The following ZNF251 variants were observed in gnomAD, a reference collection of about 807,000 sequenced individuals.
The protein encoded by ZNF251 is zinc finger protein 251.
A neutral mutation model predicts 13.5 loss-of-function variants in ZNF251; 14 were observed. That is an observed-to-expected ratio of 1.04 (90% CI 0.69 to 1.63). The LOEUF is 1.63. Among genes scored for constraint, ZNF251 ranks in the 40% most tolerant of loss-of-function variants. ZNF251 has a pLI of 0.00. For missense variants in ZNF251, 764 were observed against 834.9 expected, an observed-to-expected ratio of 0.92 and a Z score of 1.05; for synonymous variants, 287 against 295.2, an observed-to-expected ratio of 0.97 and a Z score of 0.28.
intron 4 of ZNF251, among the ~76,000 whole-genome samples, chr8:144,746,206 G>A (rs1319688068): frequency 6.6e-6 from 1 of 152,166 alleles, no homozygotes; most frequent in Non-Finnish European, 1.5e-5. Flanking sequence ...ATCGAGGTTG[G>A]ATTTTGTCAA....
At chr8:144,732,806 C>T (rs1385626064) in intron 4 of ZNF251, among the ~76,000 whole-genome samples, 12 of 108,524 alleles carry the variant, frequency 1.1e-4, no homozygotes, top group African/African-American at 1.9e-4. Flanking sequence ...AGCGAGACTC[C>T]GTCTCAAAAA....
In ZNF251 at chr8:144,754,711, C is replaced by G. The variant is rs894185836; in HGVS notation, c.18G>C (p.Gln6His). MAATF[Q>H]LPGHQEMPLT... ...GTTAACTCACCTGGTGCCCTGGAAG[C>G]TGGAATGTGGCTGCCATTCTGTGTG... Residue 6 changes from glutamine (Q) to histidine (H), a missense_variant, in exon 2 of 5, where the codon CAG (glutamine) becomes CAC (histidine). Transcript: ENST00000292562. 6.2e-7 allele frequency: 1 copy of G among 1,611,738 alleles called. No individual in the cohort carries two copies. The highest frequency in any genetic ancestry group is 8.5e-7 in the Non-Finnish European group (1 of 1,178,998).
At chr8:144,723,512 G>T in intron 4 of ZNF251, 130 bp from the exon 5 acceptor site, 1 of 587,822 alleles carries the variant, frequency 1.7e-6, no homozygotes, top group Non-Finnish European at 2.5e-6. Context: ...GATGTGAAAG[G>T]CAGAATTCAG....
At chr8:144,737,772 C>T (rs1049672427) in intron 4 of ZNF251, among the ~76,000 whole-genome samples, 2 of 137,130 alleles carry the variant, frequency 1.5e-5, no homozygotes, top group Non-Finnish European at 3.0e-5. Context: ...GCAGAGCTTG[C>T]AGTGAGCCGA....
intron 4 of ZNF251, among the ~76,000 whole-genome samples, chr8:144,751,975 A>C (rs1334803537): frequency 1.3e-5 from 2 of 152,280 alleles, no homozygotes; most frequent in South Asian, 2.1e-4. Flanking sequence ...GAATTCTCTT[A>C]TCTCTCATAA....
intron 2 of ZNF251, 109 bp downstream of exon 2, chr8:144,754,587 C>T (rs1172108432): frequency 4.7e-6 from 7 of 1,476,676 alleles, no homozygotes; most frequent in Non-Finnish European, 6.3e-6. Context: ...TTGCTATGAG[C>T]CCCTGGCTGG....
At chr8:144,750,378 C>T (rs772075083) in intron 4 of ZNF251, among the ~76,000 whole-genome samples, 207 of 152,214 alleles carry the variant, frequency 1.4e-3, no homozygotes, top group Non-Finnish European at 2.3e-3. Context: ...TATGAACTTC[C>T]CAAGTGCTTT....
intron 4 of ZNF251, among the ~76,000 whole-genome samples, chr8:144,752,503 T>C (rs1004334370): frequency 2.0e-5 from 3 of 152,144 alleles, no homozygotes; most frequent in Admixed American, 6.5e-5. Flanking sequence ...TTAATGAAAA[T>C]ACAACATATT....
At chr8:144,745,640 A>G (rs577643225) in intron 4 of ZNF251, among the ~76,000 whole-genome samples, 1 of 152,164 alleles carries the variant, frequency 6.6e-6, no homozygotes, top group South Asian at 2.1e-4. Context: ...TCAGACTCCT[A>G]GGCTCAAGCA....
rs185172495 is a variant in ZNF251, at chr8:144,722,114, G to A, written c.1546C>T (p.Arg516Cys). ...QHQKVHSGETRKCRKHGPAFV... is the reference protein window; with the variant it reads ...QHQKVHSGETCKCRKHGPAFV... ...GCTGGACCATGTTTTCTGCACTTAC[G>A]AGTCTCTCCGCTGTGAACTTTCTGA... The change falls in exon 5 of 5, where the codon CGT becomes TGT. Residue 516 changes from arginine to cysteine, a missense_variant. Coordinates refer to ENST00000292562, the MANE Select transcript of ZNF251 (RefSeq NM_138367.2). This position sits in a 1 kb window ranked among gnomAD's most constrained non-coding sequence, Gnocchi z 4.8. 34 of 1,613,952 alleles carry A rather than the reference G, an allele frequency of 2.1e-5. No homozygotes were observed. The highest frequency in any genetic ancestry group is 6.7e-5 in the East Asian group (3 of 44,880).
intron 4 of ZNF251, among the ~76,000 whole-genome samples, chr8:144,733,283 G>A (rs1352425477): frequency 6.6e-6 from 1 of 152,236 alleles, no homozygotes; most frequent in African/African-American, 2.4e-5. Context: ...GCTCACGCCT[G>A]TAATCCTAGC....
At chr8:144,753,466 T>C in intron 4 of ZNF251, 1 of 492,008 alleles carries the variant, frequency 2.0e-6, no homozygotes, top group East Asian at 3.3e-5. Flanking sequence ...TGATCAGAAG[T>C]AGTATATATA....
At chr8:144,749,638 CTATTA>C (rs1824595591) in intron 4 of ZNF251, among the ~76,000 whole-genome samples, 1 of 152,122 alleles carries the variant, frequency 6.6e-6, no homozygotes. Flanking sequence ...CCTGAGCATT[CTATTA>C]TATGTAATTC....
rs1209552493 is a variant in ZNF251, at chr8:144,722,535, C to T, written c.1125G>A (p.Lys375=). 1 of 1,613,740 alleles carries T rather than the reference C, an allele frequency of 6.2e-7. No individual in the cohort carries two copies. Among genetic ancestry groups the T allele is most frequent in the African/African-American group, 1.3e-5 (1 of 74,812 alleles). The part of the protein sequence containing the change: ...IQHERIHTGE[K]PHKCNQCGKA... ...TCCCACACTGATTGCATTTATGGGG[C>T]TTCTCTCCAGTGTGAATTCTCTCAT... The change falls in exon 5 of 5, where the codon AAG becomes AAA. Residue 375 remains lysine, a synonymous_variant. Transcript: ENST00000292562. This position sits in a 1 kb window ranked among gnomAD's most constrained non-coding sequence, Gnocchi z 4.8.
intron 4 of ZNF251, among the ~76,000 whole-genome samples, chr8:144,726,990 A>G (rs765072774): frequency 2.0e-5 from 3 of 152,152 alleles, no homozygotes; most frequent in Non-Finnish European, 4.4e-5. Context: ...GGAGTTTGAC[A>G]TTAGTCAGTT....
chr8:144,729,725 G>A (rs1051847242), intron 4 of ZNF251, among the ~76,000 whole-genome samples: 1 of 152,098 alleles, frequency 6.6e-6, no homozygotes, highest in Admixed American at 6.5e-5. Context: ...GATGGGCATG[G>A]TGGCTCGCGC....
rs114952423 is a variant in ZNF251, at chr8:144,738,474, A to C, written c.278-15092T>G. ...GCCTCCTTGCTACATGGAAATGGCA[A>C]CTGCGGGACCAGGCTGACCTGACAC... On this transcript the variant is annotated intron_variant, in intron 4 of 4. Transcript: ENST00000292562. 7.6e-3 allele frequency: 6,591 copies of C among 867,482 alleles called. 366 individuals are homozygous for C. The African/African-American group carries it at 0.11, about 15-fold the overall frequency. The allele number at this position is 867,482 out of a possible 1,614,324, so 53.7% of individuals were successfully genotyped here.
chr8:144,754,952 G>C (rs1293933535), intron 1 of ZNF251, 149 bp from the exon 2 acceptor site: 6 of 1,410,608 alleles, frequency 4.3e-6, no homozygotes, highest in Non-Finnish European at 4.6e-6. Context: ...ACTGCTCAGT[G>C]ACTCCTGAAA....
At chr8:144,729,660 T>C (rs1823635159) in intron 4 of ZNF251, among the ~76,000 whole-genome samples, 2 of 151,818 alleles carry the variant, frequency 1.3e-5, no homozygotes, top group South Asian at 4.2e-4. Flanking sequence ...AATGCCAGGG[T>C]CCTCCCTGAT....
Sources: allele counts gnomAD v4.1 joint callset (sites outside exome capture counted in the v4.1 genomes callset), GRCh38; gene constraint gnomAD v4.1.1; non-coding constraint Gnocchi (gnomAD v3.1); transcripts MANE v1.5; gene names NCBI Gene and HGNC (gene_info 2026-07-23, HGNC 2026-07-21).